The following TTC31 variants were observed in gnomAD, a reference collection of about 807,000 sequenced individuals.
The protein encoded by TTC31 is tetratricopeptide repeat protein 31.
Under a neutral mutation model 60.4 loss-of-function variants are expected in TTC31, and 59 were observed. The observed-to-expected ratio is 0.98, with a 90% CI of 0.79 to 1.21. TTC31 has a LOEUF of 1.21. Ranked by LOEUF, TTC31 falls within the 50% of genes most tolerant of loss-of-function variation. The pLI, the probability that TTC31 is intolerant of heterozygous loss-of-function variation, is 0.00. For synonymous variants in TTC31, 225 were observed against 249.6 expected, an observed-to-expected ratio of 0.90 and a Z score of 0.93; for missense variants, 672 against 646.9, an observed-to-expected ratio of 1.04 and a Z score of -0.42.
At position 74,490,937 on chromosome 2, in the gene TTC31, C is replaced by G. The variant is rs1003067558; in HGVS notation, c.547-191C>G. 18 of 910,634 alleles carry G rather than the reference C, an allele frequency of 2.0e-5. No individual in the cohort carries two copies. In the African/African-American group the frequency reaches 2.8e-4, roughly 14 times the overall value. 56.4% of individuals were successfully genotyped at this position (910,634 alleles called of 1,614,324 possible). A position where few individuals can be genotyped will look rare whatever the true frequency, so the allele number is the denominator to read the frequency against. ...TGGTTCTGGAATCCTACTGTGCTGCCTAGGTAGGAATCTGCCTCCTTACAT... is the reference window on the plus strand; with the variant it reads ...TGGTTCTGGAATCCTACTGTGCTGCGTAGGTAGGAATCTGCCTCCTTACAT... On this transcript the variant is annotated intron_variant, in intron 5 of 12. Coordinates refer to ENST00000233623, the MANE Select transcript of TTC31 (RefSeq NM_022492.6).
chr2:74,485,770 CA>C lies in TTC31; in HGVS notation c.129+2362del, dbSNP rs1366387913. Among the ~76,000 whole-genome samples the C allele has an allele frequency of 1.1e-4, 16 of 151,840 alleles. 1 individual carries two copies. Among genetic ancestry groups the C allele is most frequent in the Middle Eastern group, 6.8e-3 (2 of 292 alleles). On this transcript the variant is annotated intron_variant, in intron 2 of 12. Transcript: ENST00000233623. ...CAGGCGTGAGCCACCGCACCTGGCC[CA>C]ATTTTGTATTTTTGTACAGATTGCG...
At chr2:74,491,917 A>T in intron 8 of TTC31, 87 bp from the exon 9 acceptor site, 1 of 1,597,874 alleles carries the variant, frequency 6.3e-7, no homozygotes, top group Non-Finnish European at 8.6e-7. Context: ...GGTAATGCTA[A>T]TTGCAGTGTT....
rs774518785 is a variant in TTC31, at chr2:74,493,168, G to T, written c.1510G>T (p.Gly504Cys). 8 of 1,614,026 alleles carry T rather than the reference G, an allele frequency of 5.0e-6. No individual in the cohort carries two copies. Among genetic ancestry groups the T allele is most frequent in the African/African-American group, 2.7e-5 (2 of 74,916 alleles). Reference sequence around the variant, plus strand: ...TCTCAAGCCCCAGGACCCTTCAAAGGGCTGGGACATCCTGGGACTTGGGCT... The same window carrying T: ...TCTCAAGCCCCAGGACCCTTCAAAGTGCTGGGACATCCTGGGACTTGGGCT... ...HPLKPQDPSK[G>C]WDILGLGLQH... Residue 504 changes from glycine to cysteine, a missense_variant, in exon 13 of 13, where the codon GGC (glycine) becomes TGC (cysteine). By Grantham distance (159) the Gly-to-Cys change is radical. Transcript: ENST00000233623.
intron 11 of TTC31, 78 bp from the exon 12 acceptor site, chr2:74,492,568 C>A: frequency 6.3e-7 from 1 of 1,575,340 alleles, no homozygotes; most frequent in Non-Finnish European, 8.7e-7. Context: ...GTACTAGGAG[C>A]AGGGGCCAGT....
chr2:74,483,933 CTCTG>C (rs1440962127), intron 2 of TTC31, among the ~76,000 whole-genome samples: 1 of 131,072 alleles, frequency 7.6e-6, no homozygotes, highest in East Asian at 2.3e-4. Flanking sequence ...AACGGTGAGA[CTCTG>C]TCTAAAAAAA....
intron 7 of TTC31, 52 bp downstream of exon 7, chr2:74,491,427 C>T: frequency 6.2e-7 from 1 of 1,613,972 alleles, no homozygotes; most frequent in Non-Finnish European, 8.5e-7. Context: ...CCTCCTCCTC[C>T]TCCAGAATGT....
At position 74,493,198 on chromosome 2, in the gene TTC31, C is replaced by T; in HGVS notation, c.1540C>T (p.His514Tyr). 6.2e-7 allele frequency: 1 copy of T among 1,614,166 alleles called. No homozygotes were observed. The highest frequency in any genetic ancestry group is 8.5e-7 in the Non-Finnish European group (1 of 1,180,026). ...GGACATCCTGGGACTTGGGCTCCAG[C>T]ATCTGTCTCAGGCCAGATGAGGGGG... ...GWDILGLGLQHLSQAR is the reference protein window; with the variant it reads ...GWDILGLGLQYLSQAR The change falls in exon 13 of 13, where the codon CAT becomes TAT. Residue 514 changes from histidine (H) to tyrosine (Y), a missense_variant. Physicochemically the swap from His to Tyr is moderately conservative, Grantham distance 83. Coordinates refer to ENST00000233623, the MANE Select transcript of TTC31 (RefSeq NM_022492.6).
chr2:74,491,706 C>T, intron 8 of TTC31, 34 bp downstream of exon 8: 1 of 1,607,136 alleles, frequency 6.2e-7, no homozygotes. Flanking sequence ...TCAGCTGGAA[C>T]CGTGGAAGGG....
chr2:74,484,678 C>G (rs184369283), intron 2 of TTC31, among the ~76,000 whole-genome samples: 156 of 152,102 alleles, frequency 1.0e-3, no homozygotes, highest in African/African-American at 3.3e-3. Flanking sequence ...AGCATGGTCT[C>G]GATCTCTTGA....
Position 74,483,417 on chromosome 2 carries a change from G to C in TTC31, c.129+7G>C, listed in dbSNP as rs1321540425. ...AGAGGATTACGGCGAAGAGGTAAAA[G>C]CGACCCTCAGTTTCCCCCAGTCCTG... On this transcript the variant is annotated splice_region_variant and intron_variant, in intron 2 of 12. Transcript: ENST00000233623. The C allele has an allele frequency of 1.2e-6, 2 of 1,614,172 alleles. No homozygotes were observed. The highest frequency in any genetic ancestry group is 1.7e-6 in the Non-Finnish European group (2 of 1,180,022).
intron 2 of TTC31, among the ~76,000 whole-genome samples, chr2:74,487,179 CTG>C (rs1305055670): frequency 1.3e-5 from 2 of 152,174 alleles, no homozygotes; most frequent in African/African-American, 2.4e-5. Context: ...GCAGCACAGA[CTG>C]TGGTTTGGGG....
intron 6 of TTC31, 34 bp from the exon 7 acceptor site, chr2:74,491,261 A>AT: frequency 6.2e-7 from 1 of 1,614,134 alleles, no homozygotes; most frequent in Non-Finnish European, 8.5e-7. Flanking sequence ...GCTCAAGGTG[A>AT]TCCCAACTCT....
Position 74,492,149 on chromosome 2 carries a change from C to T in TTC31, c.939C>T (p.Thr313=). Residue 313 remains threonine (T), a synonymous_variant, in exon 10 of 13, where the codon ACC becomes ACT. Transcript: ENST00000233623. ...QQSQELAKLG[T]SFAQNGFYHE... ...CTCTTTCCTTTCCAGAGTTGGGTAC[C>T]AGCTTTGCTCAAAATGGTTTCTACC... 1 of 1,614,208 alleles carries T rather than the reference C, an allele frequency of 6.2e-7. No individual in the cohort carries two copies. Among genetic ancestry groups the T allele is most frequent in the Non-Finnish European group, 8.5e-7 (1 of 1,180,040 alleles).
intron 11 of TTC31, 97 bp downstream of exon 11, chr2:74,492,542 T>C: frequency 6.5e-7 from 1 of 1,540,586 alleles, no homozygotes. Context: ...AGTACCAAAG[T>C]GTCACAATGG....
At chr2:74,485,005 A>T (rs1672919998) in intron 2 of TTC31, among the ~76,000 whole-genome samples, 2 of 148,216 alleles carry the variant, frequency 1.3e-5, no homozygotes, top group Admixed American at 6.7e-5. Flanking sequence ...TCAAACATTT[A>T]GTTAGTCACT....
chr2:74,483,561 T>TAGGCAAGTG (rs1230508048), intron 2 of TTC31, 151 bp downstream of exon 2: 1 of 1,509,442 alleles, frequency 6.6e-7, no homozygotes, highest in Admixed American at 2.1e-5. Flanking sequence ...TTGAGGATCT[T>TAGGCAAGTG]AGGCAAGTGA....
Position 74,491,137 on chromosome 2 carries a change from G to T in TTC31, c.556G>T (p.Glu186Ter). Reference sequence around the variant, plus strand: ...ACCATTACTATTGCAGCGTCAAAAGGAACGGAAGCGACAGGAGCGTTTGGA... The same window carrying T: ...ACCATTACTATTGCAGCGTCAAAAGTAACGGAAGCGACAGGAGCGTTTGGA... ...KKRLKKKRQK[E>*]RKRQERLEQY... is the part of the protein sequence containing the mutation. Residue 186 changes from glutamate (E) to a stop codon, truncating the protein, a stop_gained, in exon 6 of 13, where the codon GAA becomes TAA. Coordinates refer to ENST00000233623, the MANE Select transcript of TTC31 (RefSeq NM_022492.6). LOFTEE classifies it high-confidence loss of function. The T allele has an allele frequency of 6.2e-7, 1 of 1,614,214 alleles. No homozygotes were observed. The highest frequency in any genetic ancestry group is 1.1e-5 in the South Asian group (1 of 91,076).
chr2:74,488,609 C>T (rs1471910674), intron 2 of TTC31, among the ~76,000 whole-genome samples: 1 of 152,172 alleles, frequency 6.6e-6, no homozygotes, highest in Non-Finnish European at 1.5e-5. Flanking sequence ...TCTCCAGAAT[C>T]AAACAGGCAG....
intron 5 of TTC31, 115 bp downstream of exon 5, chr2:74,490,854 C>T: frequency 8.8e-7 from 1 of 1,136,894 alleles, no homozygotes; most frequent in Non-Finnish European, 1.3e-6. Flanking sequence ...GACTCTCTTG[C>T]CAGGAGGACA....
Sources: allele counts gnomAD v4.1 joint callset (sites outside exome capture counted in the v4.1 genomes callset), GRCh38; gene constraint gnomAD v4.1.1; transcripts MANE v1.5; gene names NCBI Gene and HGNC (gene_info 2026-07-23, HGNC 2026-07-21).